Variants in EGFR observed in about 807,000 individuals in gnomAD.
EGFR encodes avian erythroblastic leukemia viral (v-erb-b) oncogene homolog.
A neutral mutation model predicts 143.0 loss-of-function variants in EGFR; 58 were observed. The ratio of observed to expected loss-of-function variants is 0.41; its 90% CI spans 0.33 to 0.50. The LOEUF is 0.50. Ranked by LOEUF, EGFR falls within the 20% of genes least tolerant of loss-of-function variation. The pLI, the probability that EGFR is intolerant of heterozygous loss-of-function variation, is 0.39. For missense variants in EGFR, 1,307 were observed against 1,579.0 expected, an observed-to-expected ratio of 0.83 and a Z score of 2.92; for synonymous variants, 613 against 594.4, an observed-to-expected ratio of 1.03 and a Z score of -0.45.
Position 55,166,158 on chromosome 7 carries a change from CA to C in EGFR, c.1880+726del, listed in dbSNP as rs1785969689. The C allele has an allele frequency of 8.8e-6, 4 of 455,082 alleles. No individual in the cohort carries two copies. The East Asian group carries it at 1.2e-4, about 14-fold the overall frequency. 28.2% of individuals were successfully genotyped at this position (455,082 alleles called of 1,614,324 possible). A position where few individuals can be genotyped will look rare whatever the true frequency, so the allele number is the denominator to read the frequency against. ...AAGAGCGAAACTCTGTCGCAAAAAA[CA>C]AAAACAAAAAAAAAAGCTACTTTGA... is the stretch of plus-strand genomic sequence containing the variant. On this transcript the variant is annotated intron_variant, in intron 15 of 27. Transcript: ENST00000275493.
Position 55,160,364 on chromosome 7 carries a change from T to G in EGFR, c.1498+26T>G, listed in dbSNP as rs573103722. ...GTAAGTCACCGCTTTCTGTTTAGTT[T>G]ATGGAGTTGGTTCTAATGGGTCCTT... On this transcript the variant is annotated intron_variant, in intron 12 of 27. Coordinates refer to ENST00000275493, the MANE Select transcript of EGFR (RefSeq NM_005228.5). 1.2e-5 allele frequency: 19 copies of G among 1,608,760 alleles called. No individual in the cohort carries two copies. The East Asian group carries it at 4.2e-4, about 36-fold the overall frequency.
At chr7:55,099,825 TAA>T (rs919529631) in intron 1 of EGFR, among the ~76,000 whole-genome samples, 15 of 141,988 alleles carry the variant, frequency 1.1e-4, no homozygotes, top group Non-Finnish European at 1.9e-4. Flanking sequence ...GATGTGCAAT[TAA>T]AAAAAAAAAA....
At chr7:55,157,781 A>G (rs1422432723) in intron 11 of EGFR, 28 bp downstream of exon 11, 2 of 1,610,264 alleles carry the variant, frequency 1.2e-6, no homozygotes, top group Middle Eastern at 1.6e-4. Flanking sequence ...AAAGCCTGGT[A>G]GATTACATTT....
At chr7:55,169,654 A>G (rs1387651949) in intron 15 of EGFR, among the ~76,000 whole-genome samples, 1 of 152,098 alleles carries the variant, frequency 6.6e-6, no homozygotes, top group Non-Finnish European at 1.5e-5. Flanking sequence ...TTCATACTCA[A>G]TAGTCATTTC....
chr7:55,208,393 G>A lies in EGFR; in HGVS notation c.*2776G>A, dbSNP rs933270069. 6.6e-6 allele frequency: 1 copy of A among 152,186 alleles called. No homozygotes were observed. The highest frequency in any genetic ancestry group is 1.5e-5 in the Non-Finnish European group (1 of 68,072). The allele number at this position is 152,186 out of a possible 1,614,324, so 9.4% of individuals were successfully genotyped here. On this transcript the variant is annotated 3_prime_UTR_variant, in exon 28 of 28. Transcript: ENST00000275493. The stretch of plus-strand genomic sequence containing the variant: ...GCCTGGCCTTAATACCCTACAGAAA[G>A]CCTGTCCATTGGCTGTTTCTTCCTC...
chr7:55,152,972 A>G (rs1383996891), intron 6 of EGFR, among the ~76,000 whole-genome samples: 1 of 152,254 alleles, frequency 6.6e-6, no homozygotes, highest in Non-Finnish European at 1.5e-5. Flanking sequence ...GGACCTGGGC[A>G]CAGAACAAGC....
chr7:55,022,055 G>C (rs1170824807), intron 1 of EGFR, among the ~76,000 whole-genome samples: 1 of 152,192 alleles, frequency 6.6e-6, no homozygotes, highest in South Asian at 2.1e-4. Flanking sequence ...TCATGACGAT[G>C]AGCCTGTCTG....
chr7:55,151,730 C>T (rs533056335), intron 5 of EGFR, among the ~76,000 whole-genome samples: 11 of 152,222 alleles, frequency 7.2e-5, no homozygotes, highest in African/African-American at 9.6e-5. Context: ...AAAAATTAGC[C>T]GGGCGTGGTG....
At chr7:55,117,992 C>T (rs1010971904) in intron 1 of EGFR, among the ~76,000 whole-genome samples, 4 of 152,158 alleles carry the variant, frequency 2.6e-5, no homozygotes, top group Admixed American at 6.5e-5. Context: ...CAGAGTAGGG[C>T]CTGACACCAC....
intron 15 of EGFR, among the ~76,000 whole-genome samples, chr7:55,166,831 GGCA>G (rs1786035696): frequency 8.1e-6 from 1 of 123,280 alleles, no homozygotes; most frequent in Admixed American, 7.8e-5. Context: ...TCACAATGGT[GGCA>G]GTGTTGGTGG....
chr7:55,197,685 T>C (rs1413443782), intron 22 of EGFR, among the ~76,000 whole-genome samples: 1 of 152,228 alleles, frequency 6.6e-6, no homozygotes, highest in Admixed American at 6.5e-5. Flanking sequence ...GTTCTTTAAA[T>C]ACCTAGTTTA....
chr7:55,053,887 A>G (rs1788635354), intron 1 of EGFR, among the ~76,000 whole-genome samples: 1 of 152,182 alleles, frequency 6.6e-6, no homozygotes, highest in Non-Finnish European at 1.5e-5. Flanking sequence ...CTGCTTCGCG[A>G]TGAACCAGTT....
intron 1 of EGFR, among the ~76,000 whole-genome samples, chr7:55,085,491 A>G (rs1310329584): frequency 6.6e-6 from 1 of 152,238 alleles, no homozygotes; most frequent in East Asian, 1.9e-4. Context: ...TCCGTTGTCC[A>G]TGAGATGAGG....
chr7:55,174,313 C>T (rs190078257), intron 18 of EGFR, among the ~76,000 whole-genome samples: 12 of 152,258 alleles, frequency 7.9e-5, no homozygotes, highest in African/African-American at 2.4e-4. Context: ...CAGCACAGGG[C>T]GGGAGGAGGG....
chr7:55,078,566 C>T (rs952356610), intron 1 of EGFR, among the ~76,000 whole-genome samples: 2 of 152,202 alleles, frequency 1.3e-5, no homozygotes, highest in African/African-American at 4.8e-5. Flanking sequence ...TCCTTCCGCA[C>T]GTGCAGGAAA....
intron 1 of EGFR, among the ~76,000 whole-genome samples, chr7:55,132,819 G>T (rs17151957): frequency 6.6e-6 from 1 of 151,930 alleles, no homozygotes; most frequent in Admixed American, 6.6e-5. Flanking sequence ...AGCTACCTTC[G>T]CGCTACTTTA....
chr7:55,055,516 C>T (rs560914792), intron 1 of EGFR, among the ~76,000 whole-genome samples: 4 of 152,132 alleles, frequency 2.6e-5, no homozygotes, highest in Non-Finnish European at 5.9e-5. Context: ...CACATTCAGC[C>T]CACCAGCAAG....
chr7:55,178,328 G>A (rs970374374), intron 19 of EGFR, among the ~76,000 whole-genome samples: 4 of 152,210 alleles, frequency 2.6e-5, no homozygotes, highest in Non-Finnish European at 5.9e-5. Flanking sequence ...AGGCTTTCCA[G>A]TTTAAATTTA....
intron 1 of EGFR, among the ~76,000 whole-genome samples, chr7:55,106,827 C>T (rs1373124017): frequency 1.3e-5 from 2 of 152,014 alleles, no homozygotes; most frequent in Non-Finnish European, 2.9e-5. Context: ...ATTTTAAAGT[C>T]GGTTTTAAAA....
Sources: gnomAD v4.1 joint callset for allele counts (sites outside exome capture counted in the v4.1 genomes callset) on GRCh38, gnomAD v4.1.1 for gene constraint, MANE v1.5 for transcripts, NCBI Gene and HGNC (gene_info 2026-07-23, HGNC 2026-07-21) for gene names.